PTPRT: variants seen among roughly 807,000 people sequenced by gnomAD.
The protein encoded by PTPRT is receptor-type tyrosine-protein phosphatase T.
In PTPRT, 56 loss-of-function variants were observed where a neutral mutation model predicts 176.8. The observed-to-expected ratio is 0.32, with a 90% CI of 0.26 to 0.40. PTPRT has a LOEUF of 0.40. Ranked by LOEUF, PTPRT falls within the 10% of genes least tolerant of loss-of-function variation. PTPRT has a pLI of 1.00. For synonymous variants in PTPRT, 783 were observed against 739.0 expected (o/e 1.06, Z -0.96); for missense variants, 1,540 against 1,908.2 (o/e 0.81, Z 3.60).
intron 1 of PTPRT, among the ~76,000 whole-genome samples, chr20:43,117,990 A>T (rs1012994748): frequency 2.0e-5 from 3 of 152,226 alleles, no homozygotes; most frequent in African/African-American, 7.2e-5. Context: ...ATGGAAAAAA[A>T]ATTGTTTTTA....
chr20:42,731,923 G>T (rs551734325), intron 6 of PTPRT, among the ~76,000 whole-genome samples: 1 of 152,240 alleles, frequency 6.6e-6, no homozygotes, highest in South Asian at 2.1e-4. Flanking sequence ...TCATTCTCCA[G>T]GTTTTAAACC....
At chr20:42,575,332 C>T (rs753501320) in intron 7 of PTPRT, among the ~76,000 whole-genome samples, 8 of 152,140 alleles carry the variant, frequency 5.3e-5, no homozygotes, top group Non-Finnish European at 1.0e-4. Context: ...AGAAGAGGGG[C>T]CATTTTCCCA....
chr20:43,156,793 G>A (rs933665715), intron 1 of PTPRT, among the ~76,000 whole-genome samples: 6 of 152,194 alleles, frequency 3.9e-5, no homozygotes, highest in African/African-American at 1.4e-4. Flanking sequence ...CTACACTGGA[G>A]TGTCTGAGAT....
intron 7 of PTPRT, among the ~76,000 whole-genome samples, chr20:42,493,813 T>C (rs965074089): frequency 6.6e-6 from 1 of 151,604 alleles, no homozygotes; most frequent in African/African-American, 2.4e-5. Context: ...TTTCAATTGC[T>C]TGGACTCTGA....
chr20:42,606,359 G>C (rs1482583406), intron 7 of PTPRT, among the ~76,000 whole-genome samples: 1 of 152,124 alleles, frequency 6.6e-6, no homozygotes, highest in Non-Finnish European at 1.5e-5. Context: ...AAGAGAATGA[G>C]AACAGAAAAA....
intron 24 of PTPRT, among the ~76,000 whole-genome samples, chr20:42,106,218 C>A (rs1364238856): frequency 6.6e-6 from 1 of 152,198 alleles, no homozygotes; most frequent in Non-Finnish European, 1.5e-5. Flanking sequence ...AGGTACACAA[C>A]AATAAAGATT....
chr20:42,237,623 G>A (rs2056271999), intron 14 of PTPRT, among the ~76,000 whole-genome samples: 2 of 152,130 alleles, frequency 1.3e-5, no homozygotes, highest in African/African-American at 4.8e-5. Flanking sequence ...CCAAAAGAAA[G>A]CTTCAAAAAT....
the PTPRT span, among the ~76,000 whole-genome samples, chr20:42,048,425 G>T: frequency 6.6e-6 from 1 of 152,202 alleles, no homozygotes; most frequent in African/African-American, 2.4e-5. Flanking sequence ...ATGCCATGTG[G>T]CTTCCAAAGC....
chr20:42,291,529 T>C (rs2057316507), intron 12 of PTPRT, among the ~76,000 whole-genome samples: 1 of 152,080 alleles, frequency 6.6e-6, no homozygotes. Context: ...TACACTAAAG[T>C]AAGTGAGAAG....
At chr20:42,230,698 G>A (rs757151461) in intron 15 of PTPRT, among the ~76,000 whole-genome samples, 1 of 152,188 alleles carries the variant, frequency 6.6e-6, no homozygotes, top group Non-Finnish European at 1.5e-5. Flanking sequence ...TGAAGAAACT[G>A]AGGCTCAGAG....
chr20:43,019,872 G>T (rs1600652540), intron 1 of PTPRT, among the ~76,000 whole-genome samples: 1 of 151,930 alleles, frequency 6.6e-6, no homozygotes, highest in East Asian at 1.9e-4. Context: ...TCTAGCCTTT[G>T]GACTCTAGGA....
intron 1 of PTPRT, among the ~76,000 whole-genome samples, chr20:43,051,142 T>C (rs1378801349): frequency 1.3e-5 from 2 of 152,242 alleles, no homozygotes; most frequent in Non-Finnish European, 1.5e-5. Flanking sequence ...TTGCATGTTC[T>C]AGCGAAAGTC....
chr20:42,646,633 T>C (rs2074906418), intron 7 of PTPRT, among the ~76,000 whole-genome samples: 1 of 152,160 alleles, frequency 6.6e-6, no homozygotes, highest in South Asian at 2.1e-4. Context: ...TCAGTAGCCA[T>C]GAGTCGCTGG....
chr20:43,040,957 G>A (rs894998548), intron 1 of PTPRT, among the ~76,000 whole-genome samples: 1 of 152,174 alleles, frequency 6.6e-6, no homozygotes, highest in Admixed American at 6.5e-5. Flanking sequence ...TTCCCAAATT[G>A]TGGCACCCCG....
intron 6 of PTPRT, among the ~76,000 whole-genome samples, chr20:42,733,152 T>C (rs973264921): frequency 5.3e-5 from 8 of 152,118 alleles, no homozygotes; most frequent in African/African-American, 1.9e-4. Flanking sequence ...AGACATGGGG[T>C]TTAACCACCT....
intron 9 of PTPRT, among the ~76,000 whole-genome samples, chr20:42,387,059 C>G (rs1006948466): frequency 6.6e-6 from 1 of 152,104 alleles, no homozygotes; most frequent in Admixed American, 6.5e-5. Context: ...TCTAAGCACA[C>G]AAATTAATTT....
chr20:42,900,371 T>C (rs1485187179), intron 1 of PTPRT, among the ~76,000 whole-genome samples: 1 of 152,152 alleles, frequency 6.6e-6, no homozygotes, highest in Non-Finnish European at 1.5e-5. Context: ...TGGTCCCTGA[T>C]GGTGAGCAGG....
intron 8 of PTPRT, among the ~76,000 whole-genome samples, chr20:42,464,615 C>T (rs1370333040): frequency 6.6e-6 from 1 of 152,116 alleles, no homozygotes; most frequent in Non-Finnish European, 1.5e-5. Flanking sequence ...TTTCTCTTTG[C>T]CCTTTATAAT....
At chr20:42,397,834 G>A (rs527424265) in intron 9 of PTPRT, among the ~76,000 whole-genome samples, 1 of 152,228 alleles carries the variant, frequency 6.6e-6, no homozygotes, top group South Asian at 2.1e-4. Context: ...TCAAATGGTA[G>A]TTCAACTCTT....
Sources: gnomAD v4.1 joint callset for allele counts (sites outside exome capture counted in the v4.1 genomes callset) on GRCh38, gnomAD v4.1.1 for gene constraint, MANE v1.5 for transcripts, NCBI Gene and HGNC (gene_info 2026-07-23, HGNC 2026-07-21) for gene names.